Variants in PTGFRN observed in about 807,000 individuals in gnomAD.
PTGFRN encodes the protein prostaglandin F2 receptor negative regulator.
PTGFRN carries 35 observed loss-of-function variants against 83.2 expected under a neutral mutation model. The observed-to-expected ratio is 0.42, with a 90% CI of 0.32 to 0.56. The LOEUF is 0.56. Among genes scored for constraint, PTGFRN ranks in the 20% least tolerant of loss-of-function variants. The probability of loss-of-function intolerance (pLI) is 0.11; values close to 1 mark genes in which losing one functional copy is unlikely to be tolerated. For missense variants in PTGFRN, 1,051 were observed against 1,179.5 expected (o/e 0.89, Z 1.60); for synonymous variants, 519 against 498.6 (o/e 1.04, Z -0.55).
chr1:116,910,407 G>A (rs1483756781), intron 1 of PTGFRN, among the ~76,000 whole-genome samples, 155 bp downstream of exon 1: 1 of 150,350 alleles, frequency 6.7e-6, no homozygotes, highest in African/African-American at 2.4e-5. Flanking sequence ...TCGGCCCGGC[G>A]GGGAGCGGCC....
chr1:116,914,969 C>T (rs555209676), intron 1 of PTGFRN, among the ~76,000 whole-genome samples: 8 of 152,122 alleles, frequency 5.3e-5, no homozygotes, highest in Non-Finnish European at 1.2e-4. Flanking sequence ...GGTATTTATT[C>T]CTCACAACAA....
Position 116,942,100 on chromosome 1 carries a change from G to C in PTGFRN, c.418+17G>C. On this transcript the variant is annotated intron_variant, in intron 2 of 8. Transcript: ENST00000393203. ...AGGTTAAAGGTACAGTCCTCACATG[G>C]GCTTGTTATGCCAGGGGCCAGACCT... The C allele has an allele frequency of 6.3e-7, 1 of 1,592,004 alleles. No homozygotes were observed. Among genetic ancestry groups the C allele is most frequent in the Non-Finnish European group, 8.6e-7 (1 of 1,165,760 alleles).
intron 2 of PTGFRN, among the ~76,000 whole-genome samples, chr1:116,944,211 T>G (rs1650125371): frequency 6.6e-6 from 1 of 152,234 alleles, no homozygotes; most frequent in Non-Finnish European, 1.5e-5. Flanking sequence ...CTCCCTAGCC[T>G]AGCCCTGGTC....
rs1651558798 is a variant in PTGFRN at position 116,988,004 on chromosome 1, C to T, written c.*1037C>T. On this transcript the variant is annotated 3_prime_UTR_variant, in exon 9 of 9. Coordinates refer to ENST00000393203, the MANE Select transcript of PTGFRN (RefSeq NM_020440.4). ...GGCAAAGGCATTGGTCACCAAGAGT[C>T]TTGCAGGGGGACCCACAGATATGCC... is the stretch of plus-strand genomic sequence containing the variant. 6.6e-6 allele frequency: 1 copy of T among 152,252 alleles called. No homozygotes were observed. Among genetic ancestry groups the T allele is most frequent in the Non-Finnish European group, 1.5e-5 (1 of 68,060 alleles). 9.4% of individuals were successfully genotyped at this position (152,252 alleles called of 1,614,324 possible). A position where few individuals can be genotyped will look rare whatever the true frequency, so the allele number is the denominator to read the frequency against.
At chr1:116,982,928 G>C (rs1651360101) in intron 7 of PTGFRN, among the ~76,000 whole-genome samples, 3 of 152,142 alleles carry the variant, frequency 2.0e-5, no homozygotes, top group Admixed American at 2.0e-4. Flanking sequence ...CAGAGGCCCA[G>C]CCCACCAGCT....
At chr1:116,938,495 A>G (rs536766466) in intron 1 of PTGFRN, among the ~76,000 whole-genome samples, 1 of 152,256 alleles carries the variant, frequency 6.6e-6, no homozygotes, top group African/African-American at 2.4e-5. Flanking sequence ...TAACCATCAG[A>G]TCTCACGAGA....
rs60366817 is a variant in PTGFRN at position 116,987,571 on chromosome 1, C to CTTTTT, written c.*619_*623dup. 1 of 119,838 alleles carries CTTTTT rather than the reference C, an allele frequency of 8.3e-6. No homozygotes were observed. Among genetic ancestry groups the CTTTTT allele is most frequent in the Non-Finnish European group, 1.7e-5 (1 of 58,010 alleles). The allele number at this position is 119,838 out of a possible 1,614,324, so 7.4% of individuals were successfully genotyped here. A position where few individuals can be genotyped will look rare whatever the true frequency, so the allele number is the denominator to read the frequency against. ...TATAACTTCTTATTGAGCCCAACTG[C>CTTTTT]TTTTTTTTTTTTTTTTTTTGCTTCT... On this transcript the variant is annotated 3_prime_UTR_variant, in exon 9 of 9. Transcript: ENST00000393203.
intron 4 of PTGFRN, among the ~76,000 whole-genome samples, chr1:116,951,109 G>A (rs148564808): frequency 6.6e-5 from 10 of 152,138 alleles, no homozygotes; most frequent in African/African-American, 2.2e-4. Flanking sequence ...ATCCCAACTC[G>A]AGGACTTTTT....
chr1:116,967,511 C>T (rs770782812), intron 6 of PTGFRN, among the ~76,000 whole-genome samples, 181 bp downstream of exon 6: 6 of 152,170 alleles, frequency 3.9e-5, no homozygotes, highest in Non-Finnish European at 7.3e-5. Flanking sequence ...GTGATCATCA[C>T]CACGACCAGT....
intron 1 of PTGFRN, among the ~76,000 whole-genome samples, chr1:116,938,975 T>G (rs1405407665): frequency 6.6e-6 from 1 of 152,242 alleles, no homozygotes; most frequent in Admixed American, 6.5e-5. Flanking sequence ...CTCCGTTGAC[T>G]CCACGTCTCA....
Position 116,989,082 on chromosome 1 carries a change from G to C in PTGFRN, c.*2115G>C, listed in dbSNP as rs1260703791. On this transcript the variant is annotated 3_prime_UTR_variant, in exon 9 of 9. Transcript: ENST00000393203. ...TAAAAGGAGATTCAGGATTTTATTG[G>C]CACAGGCCCTTCTTAGTAGGAAGAA... The C allele has an allele frequency of 2.0e-5, 3 of 152,220 alleles. No individual in the cohort carries two copies. The highest frequency in any genetic ancestry group is 7.2e-5 in the African/African-American group (3 of 41,448). 9.4% of individuals were successfully genotyped at this position (152,220 alleles called of 1,614,324 possible).
At chr1:116,974,737 CAG>C (rs1401673210) in intron 7 of PTGFRN, among the ~76,000 whole-genome samples, 1 of 152,166 alleles carries the variant, frequency 6.6e-6, no homozygotes, top group East Asian at 1.9e-4. Flanking sequence ...TGCCCAAAGT[CAG>C]GGGGCAGTTC....
At chr1:116,937,595 G>A (rs989262246) in intron 1 of PTGFRN, among the ~76,000 whole-genome samples, 2 of 152,168 alleles carry the variant, frequency 1.3e-5, no homozygotes, top group African/African-American at 4.8e-5. Flanking sequence ...TGGAAGGATT[G>A]GAGAGTTCAG....
At chr1:116,928,818 CT>C (rs1239711449) in intron 1 of PTGFRN, among the ~76,000 whole-genome samples, 1 of 152,194 alleles carries the variant, frequency 6.6e-6, no homozygotes, top group African/African-American at 2.4e-5. Flanking sequence ...CTCCTTTTCT[CT>C]GTCTAACCTG....
At chr1:116,929,604 A>G (rs1649742739) in intron 1 of PTGFRN, among the ~76,000 whole-genome samples, 1 of 152,168 alleles carries the variant, frequency 6.6e-6, no homozygotes, top group Non-Finnish European at 1.5e-5. Flanking sequence ...CAGAGCTTCA[A>G]TCACTGTCTC....
At chr1:116,944,554 G>A (rs908922765) in intron 2 of PTGFRN, 125 bp from the exon 3 acceptor site, 7 of 962,740 alleles carry the variant, frequency 7.3e-6, no homozygotes, top group Admixed American at 4.3e-5. Flanking sequence ...TTGGGAAAAC[G>A]TGCCCATCCG....
intron 1 of PTGFRN, among the ~76,000 whole-genome samples, chr1:116,930,502 C>G (rs1402086035): frequency 6.6e-6 from 1 of 152,208 alleles, no homozygotes; most frequent in Non-Finnish European, 1.5e-5. Flanking sequence ...CAAATATCTT[C>G]TAGGGGTTTC....
At position 116,961,360 on chromosome 1, in the gene PTGFRN, C is replaced by T. The variant is rs1320555473; in HGVS notation, c.1331C>T (p.Thr444Met). The part of the protein sequence containing the change: ...TKSGEANVRF[T>M]VSWYYRMNRR... ...AGTGGGGAGGCGAATGTCCGATTCA[C>T]GGTTTCGTGGTACTACAGGATGAAC... The change falls in exon 5 of 9, where the codon ACG becomes ATG. Residue 444 changes from threonine (T) to methionine (M), a missense_variant. By Grantham distance (81) the Thr-to-Met change is moderately conservative (BLOSUM62 -1). Transcript: ENST00000393203. This position sits in a 1 kb window ranked among gnomAD's most constrained non-coding sequence, Gnocchi z 5.4. 2.9e-5 allele frequency: 47 copies of T among 1,596,936 alleles called. No homozygotes were observed. The highest frequency in any genetic ancestry group is 5.4e-5 in the African/African-American group (4 of 74,668).
chr1:116,974,909 G>T (rs939601185), intron 7 of PTGFRN, among the ~76,000 whole-genome samples: 2 of 152,222 alleles, frequency 1.3e-5, no homozygotes, highest in African/African-American at 2.4e-5. Context: ...CCGAGCGTGA[G>T]CCGAAGCAGG....
Sources: gnomAD v4.1 joint callset for allele counts (sites outside exome capture counted in the v4.1 genomes callset) on GRCh38, gnomAD v4.1.1 for gene constraint, Gnocchi (gnomAD v3.1) non-coding constraint, MANE v1.5 for transcripts, NCBI Gene and HGNC (gene_info 2026-07-23, HGNC 2026-07-21) for gene names.